ZNF473: variants seen among roughly 807,000 people sequenced by gnomAD.
ZNF473 encodes zinc finger protein 473, also known as zinc finger protein 100 homolog.
A neutral mutation model predicts 11.1 loss-of-function variants in ZNF473; 4 were observed. The ratio of observed to expected loss-of-function variants is 0.36; its 90% CI spans 0.18 to 0.82. The LOEUF (loss-of-function observed/expected upper bound fraction) is 0.82, where lower values mean the gene tolerates loss of function less well. ZNF473 is among the 40% of genes least tolerant of loss of function. ZNF473 has a pLI of 0.49. For missense variants in ZNF473, 854 were observed against 1,084.0 expected (o/e 0.79, Z 2.98); for synonymous variants, 404 against 390.4 (o/e 1.03, Z -0.41).
At chr19:50,033,702 C>T (rs899789281) in intron 2 of ZNF473, among the ~76,000 whole-genome samples, 2 of 152,122 alleles carry the variant, frequency 1.3e-5, no homozygotes, top group African/African-American at 2.4e-5. Context: ...CAGCAGGGTG[C>T]GTTCCTTCTG....
chr19:50,047,007 C>T lies in ZNF473; in HGVS notation c.2564C>T (p.Ser855Leu), dbSNP rs957062054. ...TGCCAGAAAGCCTTTCGGTGCCACTCGAGCCTCAGCCGCCATCAGCGTGTA... is the reference window on the plus strand; with the variant it reads ...TGCCAGAAAGCCTTTCGGTGCCACTTGAGCCTCAGCCGCCATCAGCGTGTA... ...QRCQKAFRCH[S>L]SLSRHQRVHN... The change falls in exon 5 of 5, where the codon TCG becomes TTG. Residue 855 changes from serine to leucine, a missense_variant. Coordinates refer to ENST00000270617, the MANE Select transcript of ZNF473 (RefSeq NM_015428.4). 4 of 1,613,738 alleles carry T rather than the reference C, an allele frequency of 2.5e-6. No homozygotes were observed. Among genetic ancestry groups the T allele is most frequent in the Non-Finnish European group, 3.4e-6 (4 of 1,180,006 alleles).
At chr19:50,027,578 GC>G (rs2077292947) in intron 1 of ZNF473, among the ~76,000 whole-genome samples, 1 of 152,110 alleles carries the variant, frequency 6.6e-6, no homozygotes, top group Admixed American at 6.6e-5. Context: ...TTTGGTAACT[GC>G]AGACAGGGAT....
intron 2 of ZNF473, among the ~76,000 whole-genome samples, 171 bp downstream of exon 2, chr19:50,031,262 C>T (rs1568833532): frequency 1.3e-5 from 2 of 152,096 alleles, no homozygotes; most frequent in African/African-American, 2.4e-5. Context: ...GGCTCCCAGG[C>T]GATCTTTTTT....
chr19:50,038,194 T>TTATAATTTGTAAA (rs1568407312), intron 2 of ZNF473, among the ~76,000 whole-genome samples: 1 of 132,666 alleles, frequency 7.5e-6, no homozygotes, highest in African/African-American at 3.7e-5. Context: ...AATTTATAAA[T>TTATAATTTGTAAA]TTATAAATTA....
intron 1 of ZNF473, among the ~76,000 whole-genome samples, chr19:50,027,630 C>G (rs1022136686): frequency 3.3e-5 from 5 of 152,038 alleles, no homozygotes; most frequent in African/African-American, 1.2e-4. Context: ...AGATGACATA[C>G]AGGAAAGAAG....
chr19:50,039,012 C>T lies in ZNF473; in HGVS notation c.10-149C>T. On this transcript the variant is annotated intron_variant, in intron 2 of 4. Transcript: ENST00000270617. This position sits in a 1 kb window ranked among gnomAD's most constrained non-coding sequence, Gnocchi z 4.8. ...CCTACAAAATACAGGGGTTTCCAGT[C>T]TCTTACATCTCAAGATTCTTGTGAG... 1 of 998,236 alleles carries T rather than the reference C, an allele frequency of 1.0e-6. No individual in the cohort carries two copies. The highest frequency in any genetic ancestry group is 1.5e-6 in the Non-Finnish European group (1 of 673,724). The allele number at this position is 998,236 out of a possible 1,614,324, so 61.8% of individuals were successfully genotyped here.
At chr19:50,034,188 C>T (rs1346148227) in intron 2 of ZNF473, among the ~76,000 whole-genome samples, 2 of 152,182 alleles carry the variant, frequency 1.3e-5, no homozygotes, top group Non-Finnish European at 2.9e-5. Context: ...CTGTCTTTCA[C>T]ACCCTCCATG....
At chr19:50,032,332 C>T (rs766266949) in intron 2 of ZNF473, among the ~76,000 whole-genome samples, 13 of 151,594 alleles carry the variant, frequency 8.6e-5, no homozygotes, top group Non-Finnish European at 1.6e-4. Context: ...AATTGACTTA[C>T]GCAGTCAGGA....
chr19:50,038,340 T>C (rs1196965267), intron 2 of ZNF473, among the ~76,000 whole-genome samples: 1 of 151,990 alleles, frequency 6.6e-6, no homozygotes, highest in Admixed American at 6.6e-5. Flanking sequence ...GATAGGAGCC[T>C]TGGGTAACCA....
At chr19:50,033,527 C>T (rs564295108) in intron 2 of ZNF473, among the ~76,000 whole-genome samples, 1 of 152,278 alleles carries the variant, frequency 6.6e-6, no homozygotes, top group Admixed American at 6.5e-5. Context: ...TGCTCGTCCA[C>T]CCAATTCCTG....
intron 2 of ZNF473, among the ~76,000 whole-genome samples, chr19:50,031,723 G>A (rs1242843170): frequency 6.6e-6 from 1 of 152,138 alleles, no homozygotes; most frequent in African/African-American, 2.4e-5. Context: ...GAACTGATGG[G>A]GATTCATCTC....
intron 1 of ZNF473, among the ~76,000 whole-genome samples, chr19:50,030,350 T>C (rs1212979089): frequency 6.6e-6 from 1 of 151,936 alleles, no homozygotes; most frequent in African/African-American, 2.4e-5. Context: ...CTACAAAAAG[T>C]GAAAAAGATT....
intron 2 of ZNF473, among the ~76,000 whole-genome samples, chr19:50,033,542 G>C: frequency 6.6e-6 from 1 of 152,298 alleles, no homozygotes; most frequent in African/African-American, 2.4e-5. Flanking sequence ...TTCCTGCTTA[G>C]CATCACCACT....
intron 3 of ZNF473, among the ~76,000 whole-genome samples, chr19:50,040,890 T>C (rs1978729544): frequency 6.6e-6 from 1 of 152,242 alleles, no homozygotes; most frequent in Non-Finnish European, 1.5e-5. Context: ...CAGTGTCTTT[T>C]TGAATTTTTA....
chr19:50,046,144 T>C lies in ZNF473; in HGVS notation c.1701T>C (p.Cys567=), dbSNP rs1979103550. ...AGAAGTGCTTTAAGTGTAACAAATG[T>C]GAGAAAACCTTTAGCTGCAGCAAAT... ...QKEKCFKCNK[C]EKTFSCSKYL... The change falls in exon 5 of 5, where the codon TGT becomes TGC. Residue 567 remains cysteine, a synonymous_variant. Transcript: ENST00000270617. This position sits in a 1 kb window ranked among gnomAD's most constrained non-coding sequence, Gnocchi z 5.9. 2.5e-6 allele frequency: 4 copies of C among 1,614,018 alleles called. No individual in the cohort carries two copies. Among genetic ancestry groups the C allele is most frequent in the East Asian group, 4.5e-5 (2 of 44,896 alleles).
At position 50,039,360 on chromosome 19, in the gene ZNF473, AG is replaced by A; in HGVS notation, c.136+76del. On this transcript the variant is annotated intron_variant, in intron 3 of 4. Transcript: ENST00000270617. The surrounding 1 kb of genome is among the most constrained non-coding windows in gnomAD (Gnocchi z 4.8). The stretch of plus-strand genomic sequence containing the variant: ...ATCACCCATGCTCTCTACCACCCAC[AG>A]GGTGAAGTCCTGGCTCCTGGGCTCC... 1.9e-6 allele frequency: 3 copies of A among 1,580,636 alleles called. No homozygotes were observed. Among genetic ancestry groups the A allele is most frequent in the Middle Eastern group, 1.7e-4 (1 of 5,726 alleles).
chr19:50,039,281 C>T lies in ZNF473; in HGVS notation c.130C>T (p.Leu44=). 6.2e-7 allele frequency: 1 copy of T among 1,614,068 alleles called. No individual in the cohort carries two copies. The change falls in exon 3 of 5, where the codon CTG becomes TTG. Residue 44 remains leucine (L), a synonymous_variant. Transcript: ENST00000270617. The surrounding 1 kb of genome is among the most constrained non-coding windows in gnomAD (Gnocchi z 4.8). ...GTTGGACAATTGCCAGGACCTCTTC[C>T]TGCTGGGTGAGTGTTGCCTGTCCCC... ...TALDNCQDLF[L]LDPPRPNLTS...
At chr19:50,032,498 C>T (rs561593164) in intron 2 of ZNF473, among the ~76,000 whole-genome samples, 15 of 152,194 alleles carry the variant, frequency 9.9e-5, no homozygotes, top group African/African-American at 3.6e-4. Context: ...CTATCAGGAC[C>T]ATGTGCTGCT....
chr19:50,027,522 C>T (rs150543808), intron 1 of ZNF473, among the ~76,000 whole-genome samples: 1 of 152,236 alleles, frequency 6.6e-6, no homozygotes, highest in Non-Finnish European at 1.5e-5. Context: ...GCCCTCGTTT[C>T]TTTCCTCCCA....
Sources: allele counts gnomAD v4.1 joint callset (sites outside exome capture counted in the v4.1 genomes callset), GRCh38; gene constraint gnomAD v4.1.1; non-coding constraint Gnocchi (gnomAD v3.1); transcripts MANE v1.5; gene names NCBI Gene and HGNC (gene_info 2026-07-23, HGNC 2026-07-21).